CDH19: variants seen among roughly 807,000 people sequenced by gnomAD.
CDH19 encodes the protein cadherin-19.
A neutral mutation model predicts 64.2 loss-of-function variants in CDH19; 67 were observed. The ratio of observed to expected loss-of-function variants is 1.04; its 90% CI spans 0.86 to 1.28. The LOEUF is 1.28. CDH19 is among the 50% of genes most tolerant of loss of function. The pLI is 0.00. For synonymous variants in CDH19, 346 were observed against 319.3 expected, an observed-to-expected ratio of 1.08 and a Z score of -0.89; for missense variants, 1,030 against 929.0, an observed-to-expected ratio of 1.11 and a Z score of -1.41.
At chr18:66,523,437 G>T (rs901334323) in intron 9 of CDH19, among the ~76,000 whole-genome samples, 1 of 152,110 alleles carries the variant, frequency 6.6e-6, no homozygotes, top group African/African-American at 2.4e-5. Flanking sequence ...AGGTGCAGCT[G>T]CAGCATACCC....
chr18:66,600,691 A>AT (rs1989016421), intron 1 of CDH19, among the ~76,000 whole-genome samples: 2 of 151,908 alleles, frequency 1.3e-5, no homozygotes, highest in South Asian at 4.1e-4. Flanking sequence ...GAGTATACAC[A>AT]TGCATTCAAA....
At chr18:66,569,246 C>T (rs1341850647) in intron 2 of CDH19, among the ~76,000 whole-genome samples, 1 of 151,456 alleles carries the variant, frequency 6.6e-6, no homozygotes, top group Non-Finnish European at 1.5e-5. Context: ...CTATAAATTG[C>T]TTTATATTAG....
At chr18:66,541,655 C>T (rs953622060) in intron 7 of CDH19, among the ~76,000 whole-genome samples, 2 of 151,994 alleles carry the variant, frequency 1.3e-5, no homozygotes, top group Admixed American at 1.3e-4. Flanking sequence ...CCTCAGTGAT[C>T]CTAACATATG....
chr18:66,586,081 T>C (rs993381154), intron 1 of CDH19, among the ~76,000 whole-genome samples: 1 of 152,078 alleles, frequency 6.6e-6, no homozygotes, highest in Non-Finnish European at 1.5e-5. Flanking sequence ...CTGTGAAAAC[T>C]TGTAAAAATA....
intron 9 of CDH19, among the ~76,000 whole-genome samples, chr18:66,514,698 T>C (rs1316284662): frequency 6.6e-6 from 1 of 151,570 alleles, no homozygotes; most frequent in Non-Finnish European, 1.5e-5. Flanking sequence ...ATAAAGATAA[T>C]CATTTGCCTG....
At chr18:66,582,941 C>T (rs1167734368) in intron 1 of CDH19, among the ~76,000 whole-genome samples, 1 of 151,956 alleles carries the variant, frequency 6.6e-6, no homozygotes, top group Non-Finnish European at 1.5e-5. Context: ...AGATAGATTC[C>T]AATTGGTTAA....
chr18:66,579,869 C>T (rs200423120), intron 1 of CDH19, among the ~76,000 whole-genome samples: 9 of 151,818 alleles, frequency 5.9e-5, no homozygotes, highest in East Asian at 1.9e-4. Flanking sequence ...TATAAAAACA[C>T]GCCCTATTTT....
At chr18:66,550,445 G>C (rs1987297415) in intron 5 of CDH19, among the ~76,000 whole-genome samples, 2 of 152,116 alleles carry the variant, frequency 1.3e-5, no homozygotes, top group African/African-American at 4.8e-5. Flanking sequence ...GCATAAATAT[G>C]TCACCGAAAG....
chr18:66,564,973 G>C (rs1417638617), intron 3 of CDH19, among the ~76,000 whole-genome samples: 2 of 151,218 alleles, frequency 1.3e-5, no homozygotes, highest in Non-Finnish European at 3.0e-5. Flanking sequence ...ATTTCAGAAT[G>C]ATTTCCATGA....
chr18:66,593,857 A>C (rs1599043765), intron 1 of CDH19, among the ~76,000 whole-genome samples: 1 of 152,140 alleles, frequency 6.6e-6, no homozygotes, highest in East Asian at 1.9e-4. Flanking sequence ...CCACAATTCA[A>C]AGTAGTCTTT....
chr18:66,586,103 G>C (rs756338735), intron 1 of CDH19, among the ~76,000 whole-genome samples: 1 of 151,836 alleles, frequency 6.6e-6, no homozygotes, highest in African/African-American at 2.4e-5. Flanking sequence ...AATGTATTCC[G>C]GAAAGCTCAT....
At chr18:66,507,808 T>C (rs1189529743) in intron 11 of CDH19, among the ~76,000 whole-genome samples, 2 of 151,940 alleles carry the variant, frequency 1.3e-5, no homozygotes, top group Non-Finnish European at 2.9e-5. Context: ...CAAAAACATA[T>C]ACATTTATGG....
chr18:66,524,942 T>C (rs1986163945), intron 9 of CDH19, among the ~76,000 whole-genome samples: 1 of 152,130 alleles, frequency 6.6e-6, no homozygotes, highest in Non-Finnish European at 1.5e-5. Flanking sequence ...AAAGTGTTTT[T>C]CCATTTCGTT....
At chr18:66,601,063 C>T (rs554423940) in intron 1 of CDH19, among the ~76,000 whole-genome samples, 1 of 151,854 alleles carries the variant, frequency 6.6e-6, no homozygotes, top group African/African-American at 2.4e-5. Context: ...AATGACACTA[C>T]TCTCTTGAAA....
At chr18:66,513,444 A>G (rs1985588604) in intron 9 of CDH19, among the ~76,000 whole-genome samples, 1 of 151,472 alleles carries the variant, frequency 6.6e-6, no homozygotes, top group Non-Finnish European at 1.5e-5. Flanking sequence ...ATTACTTTAT[A>G]AAAATAGGAA....
At chr18:66,586,037 C>T (rs553418410) in intron 1 of CDH19, among the ~76,000 whole-genome samples, 1 of 152,118 alleles carries the variant, frequency 6.6e-6, no homozygotes, top group South Asian at 2.1e-4. Flanking sequence ...TTTTCTATGA[C>T]CTCTTCTTGG....
chr18:66,550,317 T>C (rs1377951474), intron 5 of CDH19, among the ~76,000 whole-genome samples: 1 of 152,162 alleles, frequency 6.6e-6, no homozygotes, highest in Non-Finnish European at 1.5e-5. Context: ...TTAGAGCAGG[T>C]GTGGCCTATT....
At chr18:66,530,020 A>G in intron 8 of CDH19, 54 bp from the exon 9 acceptor site, 1 of 912,228 alleles carries the variant, frequency 1.1e-6, no homozygotes, top group Non-Finnish European at 1.6e-6. Context: ...ATGTCTTTAG[A>G]AGAGACATCA....
chr18:66,514,351 A>C (rs1242901471), intron 9 of CDH19, among the ~76,000 whole-genome samples: 4 of 151,604 alleles, frequency 2.6e-5, no homozygotes, highest in Admixed American at 6.6e-5. Flanking sequence ...CAGAGAAATA[A>C]GTAATATAAT....
Sources: gnomAD v4.1 joint callset for allele counts (sites outside exome capture counted in the v4.1 genomes callset) on GRCh38, gnomAD v4.1.1 for gene constraint, MANE v1.5 for transcripts, NCBI Gene and HGNC (gene_info 2026-07-23, HGNC 2026-07-21) for gene names.